BANK1: variants seen among roughly 807,000 people sequenced by gnomAD.
The protein encoded by BANK1 is B cell scaffold protein with ankyrin repeats 1.
BANK1 carries 95 observed loss-of-function variants against 94.5 expected under a neutral mutation model. The observed-to-expected ratio is 1.00, with a 90% CI of 0.85 to 1.19. BANK1 has a LOEUF of 1.19. BANK1 is among the 50% of genes most tolerant of loss of function. The pLI, the probability that BANK1 is intolerant of heterozygous loss-of-function variation, is 0.00. For synonymous variants in BANK1, 334 were observed against 308.4 expected, an observed-to-expected ratio of 1.08 and a Z score of -0.87; for missense variants, 987 against 932.2, an observed-to-expected ratio of 1.06 and a Z score of -0.77.
chr4:101,790,859 C>G lies in BANK1; in HGVS notation c.-22C>G. The G allele has an allele frequency of 1.3e-6, 2 of 1,536,218 alleles. No individual in the cohort carries two copies. The highest frequency in any genetic ancestry group is 1.7e-6 in the Non-Finnish European group (2 of 1,145,614). On this transcript the variant is annotated 5_prime_UTR_variant, in exon 1 of 17. Coordinates refer to ENST00000322953, the MANE Select transcript of BANK1 (RefSeq NM_017935.5). ...CGCTCGGCGGGCAGCAGTGCGCAGG[C>G]CCCTCGGCTTCAACCGCCACAATGC...
Position 101,872,042 on chromosome 4 carries a change from A to G in BANK1, c.903+1398A>G, listed in dbSNP as rs1314891444. Among the ~76,000 whole-genome samples, 6 of 152,076 alleles carry G rather than the reference A, an allele frequency of 3.9e-5. 1 individual carries two copies. The highest frequency in any genetic ancestry group is 1.4e-4 in the African/African-American group (6 of 41,410). Reference sequence around the variant, plus strand: ...TTTCATTTTTACCCTCTGTACTGGAAATGAGGGGAAAGAAAGGGTCATTGC... The same window carrying G: ...TTTCATTTTTACCCTCTGTACTGGAGATGAGGGGAAAGAAAGGGTCATTGC... On this transcript the variant is annotated intron_variant, in intron 5 of 16. Coordinates refer to ENST00000322953, the MANE Select transcript of BANK1 (RefSeq NM_017935.5).
chr4:101,826,414 A>G lies in BANK1; in HGVS notation c.71-3394A>G, dbSNP rs1470975649. ...ACATTAGTACTTACTTAAGAGTGTAATTGTGAGAATTAAATGAAACAGCAT... is the reference window on the plus strand; with the variant it reads ...ACATTAGTACTTACTTAAGAGTGTAGTTGTGAGAATTAAATGAAACAGCAT... On this transcript the variant is annotated intron_variant, in intron 1 of 16. Coordinates refer to ENST00000322953, the MANE Select transcript of BANK1 (RefSeq NM_017935.5). 4.6e-5 allele frequency among the ~76,000 whole-genome samples: 7 copies of G among 152,022 alleles called. No individual in the cohort carries two copies. In the East Asian group the frequency reaches 1.3e-3, roughly 29 times the overall value.
At chr4:102,012,594 A>C (rs1053860062) in intron 7 of BANK1, among the ~76,000 whole-genome samples, 1 of 152,190 alleles carries the variant, frequency 6.6e-6, no homozygotes, top group African/African-American at 2.4e-5. Flanking sequence ...ATCTAACAAC[A>C]AAAGAGTATA....
chr4:101,852,470 C>CTATATATATATATATATATATATATA (rs541955636), intron 2 of BANK1, among the ~76,000 whole-genome samples: 1 of 103,794 alleles, frequency 9.6e-6, no homozygotes, highest in Non-Finnish European at 1.8e-5. Context: ...TATTTTTCGG[C>CTATATATATATATATATATATATATA]TATATATATA....
In BANK1 at chr4:101,914,963, A is replaced by G. The variant is rs535609513; in HGVS notation, c.1010-3030A>G. 2.8e-4 allele frequency among the ~76,000 whole-genome samples: 43 copies of G among 152,282 alleles called. No homozygotes were observed. In the South Asian group the frequency reaches 8.7e-3, roughly 31 times the overall value. ...TTTGAGAGCTGAAATAAGAAGGCATATGGTTGCCTTGTTTGACCCCAGCTG... is the reference window on the plus strand; with the variant it reads ...TTTGAGAGCTGAAATAAGAAGGCATGTGGTTGCCTTGTTTGACCCCAGCTG... On this transcript the variant is annotated intron_variant, in intron 6 of 16. Transcript: ENST00000322953.
chr4:102,038,347 T>G (rs1266309119), intron 10 of BANK1, among the ~76,000 whole-genome samples: 1 of 152,060 alleles, frequency 6.6e-6, no homozygotes, highest in Non-Finnish European at 1.5e-5. Context: ...GTTTGCAGAG[T>G]CTTCCATTGG....
At chr4:102,007,092 A>ATATATTTATATATATATATATTATAT (rs1322128290) in intron 7 of BANK1, among the ~76,000 whole-genome samples, 36 of 82,312 alleles carry the variant, frequency 4.4e-4, no homozygotes, top group African/African-American at 1.3e-3. Flanking sequence ...ATATATATAT[A>ATATATTTATATATATATATATTATAT]ATATATTTAT....
At chr4:101,927,200 T>C (rs1389262821) in intron 7 of BANK1, among the ~76,000 whole-genome samples, 3 of 151,680 alleles carry the variant, frequency 2.0e-5, no homozygotes, top group African/African-American at 4.8e-5. Flanking sequence ...TCGCGTCTTA[T>C]ATGGCCGCGG....
intron 2 of BANK1, among the ~76,000 whole-genome samples, chr4:101,845,885 T>A (rs951986651): frequency 3.3e-5 from 5 of 151,328 alleles, no homozygotes; most frequent in African/African-American, 1.2e-4. Context: ...TTTATTATAC[T>A]TTAAGTTTTA....
chr4:101,798,536 A>C (rs1164317837), intron 1 of BANK1, among the ~76,000 whole-genome samples: 1 of 152,184 alleles, frequency 6.6e-6, no homozygotes, highest in Non-Finnish European at 1.5e-5. Flanking sequence ...GAATCGCCAT[A>C]CTATCTTCCA....
At position 102,074,039 on chromosome 4, in the gene BANK1, T is replaced by C. The variant is rs1728842646; in HGVS notation, c.*40T>C. The C allele has an allele frequency of 4.7e-6, 1 of 212,086 alleles. No homozygotes were observed. The highest frequency in any genetic ancestry group is 5.9e-5 in the Admixed American group (1 of 16,918). The allele number at this position is 212,086 out of a possible 1,614,324, so 13.1% of individuals were successfully genotyped here. ...ATGAAACTCACGAATCTACGGACAT[T>C]TTGCTTTCAGGGTGAAGCAAGCTTG... On this transcript the variant is annotated 3_prime_UTR_variant, in exon 17 of 17. Transcript: ENST00000322953.
At chr4:101,928,098 A>G (rs949249300) in intron 7 of BANK1, among the ~76,000 whole-genome samples, 1 of 151,656 alleles carries the variant, frequency 6.6e-6, no homozygotes, top group Non-Finnish European at 1.5e-5. Context: ...AAAATTAGTT[A>G]TCATAATAAT....
chr4:102,052,274 C>T (rs745432726), intron 11 of BANK1, among the ~76,000 whole-genome samples: 23 of 151,844 alleles, frequency 1.5e-4, no homozygotes, highest in African/African-American at 2.7e-4. Flanking sequence ...TGTGCTACCA[C>T]GACCAGCTAA....
At chr4:101,824,213 C>A (rs1207366246) in intron 1 of BANK1, among the ~76,000 whole-genome samples, 1 of 152,178 alleles carries the variant, frequency 6.6e-6, no homozygotes, top group Non-Finnish European at 1.5e-5. Context: ...AGCTAATGAG[C>A]TGCTGGGCAG....
chr4:101,837,150 A>T (rs1484266053), intron 2 of BANK1, among the ~76,000 whole-genome samples: 1 of 152,222 alleles, frequency 6.6e-6, no homozygotes, highest in Non-Finnish European at 1.5e-5. Context: ...AATTAGCAGG[A>T]TTTAAAACAC....
intron 6 of BANK1, among the ~76,000 whole-genome samples, chr4:101,915,256 G>A (rs1343850517): frequency 1.3e-5 from 2 of 152,196 alleles, no homozygotes; most frequent in East Asian, 3.9e-4. Flanking sequence ...TTGTGCAAAT[G>A]ACACTATGAC....
chr4:101,919,677 A>G (rs567096553), intron 7 of BANK1, among the ~76,000 whole-genome samples: 3 of 151,982 alleles, frequency 2.0e-5, no homozygotes, highest in African/African-American at 7.2e-5. Context: ...TATGTTACAT[A>G]ATTTTCTATA....
At chr4:101,955,746 A>T (rs535384594) in intron 7 of BANK1, among the ~76,000 whole-genome samples, 1 of 152,302 alleles carries the variant, frequency 6.6e-6, no homozygotes, top group Admixed American at 6.5e-5. Context: ...ACCTATATTT[A>T]ATGAAAAATA....
intron 5 of BANK1, among the ~76,000 whole-genome samples, chr4:101,875,621 C>G (rs1208692076): frequency 3.3e-5 from 5 of 152,108 alleles, no homozygotes; most frequent in Non-Finnish European, 7.4e-5. Context: ...GGGTCCCCCC[C>G]TAGATACATG....
Sources: gnomAD v4.1 joint callset for allele counts (sites outside exome capture counted in the v4.1 genomes callset) on GRCh38, gnomAD v4.1.1 for gene constraint, MANE v1.5 for transcripts, NCBI Gene and HGNC (gene_info 2026-07-23, HGNC 2026-07-21) for gene names.